The following GREB1L variants were observed in gnomAD, a reference collection of about 807,000 sequenced individuals.
The protein encoded by GREB1L is GREB1-like protein.
In GREB1L, 17 loss-of-function variants were observed where a neutral mutation model predicts 200.8. The ratio of observed to expected loss-of-function variants is 0.08; its 90% CI spans 0.06 to 0.13. The LOEUF (loss-of-function observed/expected upper bound fraction) is 0.13. Ranked by LOEUF, GREB1L falls within the 10% of genes least tolerant of loss-of-function variation. The probability of loss-of-function intolerance (pLI) is 1.00; values close to 1 mark genes in which losing one functional copy is unlikely to be tolerated. For synonymous variants in GREB1L, 789 were observed against 893.0 expected (o/e 0.88, Z 2.08); for missense variants, 1,657 against 2,367.7 (o/e 0.70, Z 6.23).
intron 2 of GREB1L, among the ~76,000 whole-genome samples, chr18:21,370,501 TG>T (rs1177118312): frequency 1.3e-5 from 2 of 152,226 alleles, no homozygotes; most frequent in East Asian, 3.8e-4. Context: ...CATCAGGGAA[TG>T]TTTTTAATAG....
intron 23 of GREB1L, among the ~76,000 whole-genome samples, chr18:21,503,953 A>AT (rs2036908419): frequency 6.7e-6 from 1 of 149,128 alleles, no homozygotes; most frequent in East Asian, 2.0e-4. Flanking sequence ...TTATTTATTT[A>AT]TTTTTTGAGA....
At chr18:21,415,677 A>G (rs1478353607) in intron 7 of GREB1L, among the ~76,000 whole-genome samples, 1 of 152,220 alleles carries the variant, frequency 6.6e-6, no homozygotes, top group East Asian at 1.9e-4. Context: ...AAAAGTGGCT[A>G]TTCCCACCAG....
rs1329961260 is a variant in GREB1L at position 21,299,181 on chromosome 18, G to A, written c.-120+56788G>A. Among the ~76,000 whole-genome samples, 41 of 151,790 alleles carry A rather than the reference G, an allele frequency of 2.7e-4. 1 individual carries two copies. The highest frequency in any genetic ancestry group is 2.7e-3 in the Admixed American group (41 of 15,248). On this transcript the variant is annotated intron_variant, in intron 1 of 32. Coordinates refer to ENST00000424526, the MANE Select transcript of GREB1L (RefSeq NM_001142966.3). The stretch of plus-strand genomic sequence containing the variant: ...TAATCCCAGCTACTCGGGAGGCTGA[G>A]GCAGGAGAATCACTTGAACCCTGGA...
chr18:21,519,751 C>T (rs190021398), intron 31 of GREB1L, among the ~76,000 whole-genome samples: 1 of 152,270 alleles, frequency 6.6e-6, no homozygotes, highest in Admixed American at 6.5e-5. Context: ...GTTCATTGTT[C>T]CATGGCTACT....
At chr18:21,282,174 G>T (rs879432940) in intron 1 of GREB1L, among the ~76,000 whole-genome samples, 2 of 152,006 alleles carry the variant, frequency 1.3e-5, no homozygotes, top group Admixed American at 6.6e-5. Flanking sequence ...TACTCAAGAC[G>T]CTGTCAGGAG....
intron 17 of GREB1L, among the ~76,000 whole-genome samples, chr18:21,480,138 G>A (rs2035862992): frequency 6.6e-6 from 1 of 152,186 alleles, no homozygotes; most frequent in Admixed American, 6.5e-5. Flanking sequence ...ATCACTTGAG[G>A]TCGGGAGTTC....
intron 1 of GREB1L, among the ~76,000 whole-genome samples, chr18:21,347,147 G>T (rs574680402): frequency 2.8e-4 from 43 of 151,976 alleles, no homozygotes; most frequent in African/African-American, 1.0e-3. Flanking sequence ...GCGTGGTGGT[G>T]GGTGCCTGTA....
At chr18:21,417,826 G>C (rs1435529080) in intron 7 of GREB1L, among the ~76,000 whole-genome samples, 2 of 151,660 alleles carry the variant, frequency 1.3e-5, no homozygotes, top group Admixed American at 1.3e-4. Context: ...AAAAATATTT[G>C]AAAAATTAGC....
chr18:21,317,631 T>C (rs887595270), intron 1 of GREB1L: 1 of 151,796 alleles, frequency 6.6e-6, no homozygotes, highest in African/African-American at 2.4e-5. Context: ...TGTGCAAGTA[T>C]AAAAAAAATT....
At position 21,377,840 on chromosome 18, in the gene GREB1L, C is replaced by T. The variant is rs188838627; in HGVS notation, c.-9-5670C>T. Reference sequence around the variant, plus strand: ...CAGGAGAGTCACTTGAACCCAGGAGCGGGAGGTTGCAGTGAGCCGGGGTAG... The same window carrying T: ...CAGGAGAGTCACTTGAACCCAGGAGTGGGAGGTTGCAGTGAGCCGGGGTAG... On this transcript the variant is annotated intron_variant, in intron 2 of 32. Transcript: ENST00000424526. 4.6e-5 allele frequency among the ~76,000 whole-genome samples: 7 copies of T among 151,702 alleles called. No homozygotes were observed. In the East Asian group the frequency reaches 9.7e-4, roughly 21 times the overall value.
At chr18:21,282,744 C>G (rs531630278) in intron 1 of GREB1L, among the ~76,000 whole-genome samples, 2 of 152,116 alleles carry the variant, frequency 1.3e-5, no homozygotes, top group Admixed American at 6.5e-5. Flanking sequence ...GGACTATAGG[C>G]GCCTGCCACC....
At chr18:21,378,114 A>C (rs1190276533) in intron 2 of GREB1L, among the ~76,000 whole-genome samples, 1 of 152,174 alleles carries the variant, frequency 6.6e-6, no homozygotes, top group East Asian at 1.9e-4. Context: ...ATTTATTCAC[A>C]TTGACTTCCA....
chr18:21,295,406 T>C (rs1200427527), intron 1 of GREB1L, among the ~76,000 whole-genome samples: 2 of 152,198 alleles, frequency 1.3e-5, no homozygotes, highest in African/African-American at 4.8e-5. Flanking sequence ...GAGGCTTTGC[T>C]TTTCTTAGTG....
At chr18:21,476,101 G>A (rs542771632) in intron 16 of GREB1L, among the ~76,000 whole-genome samples, 2 of 151,748 alleles carry the variant, frequency 1.3e-5, no homozygotes, top group East Asian at 3.9e-4. Context: ...AGCAGGGGTC[G>A]GGGGTGGCAA....
At chr18:21,356,376 A>G (rs1300664610) in intron 1 of GREB1L, among the ~76,000 whole-genome samples, 1 of 152,094 alleles carries the variant, frequency 6.6e-6, no homozygotes, top group Non-Finnish European at 1.5e-5. Flanking sequence ...TTTCTGCTTC[A>G]ATGAGTTTGA....
Position 21,485,655 on chromosome 18 carries a change from C to T in GREB1L, c.2592C>T (p.Gly864=), listed in dbSNP as rs1424057634. 1 of 1,551,544 alleles carries T rather than the reference C, an allele frequency of 6.4e-7. No individual in the cohort carries two copies. Among genetic ancestry groups the T allele is most frequent in the African/African-American group, 1.4e-5 (1 of 73,134 alleles). The part of the protein sequence containing the change: ...DVGCEEKLYF[G]LSEYSKSLQW... ...GCTGCGAGGAGAAGCTGTACTTTGGCTTGAGTGAGTACAGCAAGTCTCTGC... is the reference window on the plus strand; with the variant it reads ...GCTGCGAGGAGAAGCTGTACTTTGGTTTGAGTGAGTACAGCAAGTCTCTGC... Residue 864 remains glycine (G), a synonymous_variant, in exon 18 of 33, where the codon GGC becomes GGT. Transcript: ENST00000424526.
intron 23 of GREB1L, 131 bp from the exon 24 acceptor site, chr18:21,505,276 GGGACA>G: frequency 1.4e-6 from 1 of 729,304 alleles, no homozygotes; most frequent in South Asian, 1.8e-5. Flanking sequence ...CTCCTCTACT[GGGACA>G]GGGGAGCTCA....
In GREB1L at chr18:21,499,788, T is replaced by C. The variant is rs1382651969; in HGVS notation, c.3451T>C (p.Ser1151Pro). The change falls in exon 22 of 33, where the codon TCC becomes CCC. Residue 1151 changes from serine (S) to proline (P), a missense_variant. Transcript: ENST00000424526. ...CACAGCTGACAAGTCCCAGAAGCAG[T>C]CCCTGACCCCCAGCTTTCAGAGCCC... ...SSTADKSQKQ[S>P]LTPSFQSPAT... The C allele has an allele frequency of 2.6e-6, 4 of 1,551,926 alleles. No homozygotes were observed. In the East Asian group the frequency reaches 7.3e-5, roughly 28 times the overall value.
intron 1 of GREB1L, among the ~76,000 whole-genome samples, chr18:21,256,185 T>C (rs888037130): frequency 6.6e-6 from 1 of 152,238 alleles, no homozygotes; most frequent in African/African-American, 2.4e-5. Flanking sequence ...TCTGAAGCCA[T>C]AGTTGACAAA....
Sources: gnomAD v4.1 joint callset for allele counts (sites outside exome capture counted in the v4.1 genomes callset) on GRCh38, gnomAD v4.1.1 for gene constraint, MANE v1.5 for transcripts, NCBI Gene and HGNC (gene_info 2026-07-23, HGNC 2026-07-21) for gene names.